CORO6: variants seen among roughly 807,000 people sequenced by gnomAD.
CORO6 encodes the protein coronin-6.
In CORO6, 43 loss-of-function variants were observed where a neutral mutation model predicts 49.0. The ratio of observed to expected loss-of-function variants is 0.88; its 90% CI spans 0.69 to 1.13. The LOEUF (loss-of-function observed/expected upper bound fraction) is 1.13, where lower values mean the gene tolerates loss of function less well. Ranked by LOEUF, CORO6 falls within the 50% of genes most tolerant of loss-of-function variation. CORO6 has a pLI of 0.00. For missense variants in CORO6, 650 were observed against 647.0 expected (o/e 1.00, Z -0.05); for synonymous variants, 233 against 256.5 (o/e 0.91, Z 0.88).
At chr17:29,619,588 C>A in intron 3 of CORO6, 63 bp downstream of exon 3, 7 of 1,548,946 alleles carry the variant, frequency 4.5e-6, no homozygotes, top group East Asian at 2.3e-5. Flanking sequence ...TTCCCCAGCA[C>A]AGGTGAGGCA....
Position 29,621,316 on chromosome 17 carries a change from C to A in CORO6, c.106G>T (p.Asp36Tyr). The change falls in exon 2 of 11, where the codon GAC (aspartate) becomes TAC (tyrosine). Residue 36 changes from aspartate to tyrosine, a missense_variant. By Grantham distance (160) the Asp-to-Tyr change is radical. Transcript: ENST00000388767. This position sits in a 1 kb window ranked among gnomAD's most constrained non-coding sequence, Gnocchi z 4.2. Reference sequence around the variant, plus strand: ...GGGTTGACGGCACAGAAGGAGCTGTCCCATGTGACCTTGGACACACGGATG... The same window carrying A: ...GGGTTGACGGCACAGAAGGAGCTGTACCATGTGACCTTGGACACACGGATG... ...EDIRVSKVTW[D>Y]SSFCAVNPKF... 6.2e-7 allele frequency: 1 copy of A among 1,614,178 alleles called. No homozygotes were observed. Among genetic ancestry groups the A allele is most frequent in the Non-Finnish European group, 8.5e-7 (1 of 1,180,028 alleles).
chr17:29,617,079 A>ACCC, intron 6 of CORO6, 37 bp from the exon 7 acceptor site: 1 of 1,599,256 alleles, frequency 6.3e-7, no homozygotes, highest in African/African-American at 1.3e-5. Flanking sequence ...GCCCTGCCCC[A>ACCC]CCCTCCCGTG....
rs2034930531 is a variant in CORO6 at position 29,616,520 on chromosome 17, G to C, written c.1004+182C>G. Among the ~76,000 whole-genome samples the C allele has an allele frequency of 6.6e-6, 1 of 152,194 alleles. No homozygotes were observed. Among genetic ancestry groups the C allele is most frequent in the South Asian group, 2.1e-4 (1 of 4,832 alleles). The stretch of plus-strand genomic sequence containing the variant: ...GTGTTCACCATCATCTTATAGATGA[G>C]GAAACTGAAGTTGAGAATGTAAGGC... On this transcript the variant is annotated intron_variant, in intron 8 of 10. Coordinates refer to ENST00000388767, the MANE Select transcript of CORO6 (RefSeq NM_032854.4). The surrounding 1 kb of genome is among the most constrained non-coding windows in gnomAD (Gnocchi z 5.6).
In CORO6 at chr17:29,617,637, C is replaced by G; in HGVS notation, c.634-18G>C. 2 of 1,572,730 alleles carry G rather than the reference C, an allele frequency of 1.3e-6. No homozygotes were observed. The highest frequency in any genetic ancestry group is 8.6e-7 in the Non-Finnish European group (1 of 1,161,366). ...AACCTCTCCTGGGGGGAGGGGGAGA[C>G]AGGGAGGGACATCACCCAGCTGCCT... is the stretch of plus-strand genomic sequence containing the variant. On this transcript the variant is annotated intron_variant, in intron 5 of 10. Transcript: ENST00000388767.
Position 29,615,405 on chromosome 17 carries a change from T to C in CORO6, c.*327A>G. On this transcript the variant is annotated 3_prime_UTR_variant, in exon 11 of 11. Coordinates refer to ENST00000388767, the MANE Select transcript of CORO6 (RefSeq NM_032854.4). ...ATAACCCCAAGCATCACGCTAATAC[T>C]AAGCACTTTCCCTGCCCTGGGCGGA... The C allele has an allele frequency of 3.3e-6, 1 of 303,196 alleles. No individual in the cohort carries two copies. Among genetic ancestry groups the C allele is most frequent in the Non-Finnish European group, 6.1e-6 (1 of 163,140 alleles). The allele number at this position is 303,196 out of a possible 1,614,324, so 18.8% of individuals were successfully genotyped here.
chr17:29,622,726 T>A lies in CORO6; in HGVS notation c.-102A>T. 6.1e-6 allele frequency: 8 copies of A among 1,307,958 alleles called. No homozygotes were observed. The highest frequency in any genetic ancestry group is 7.0e-6 in the Non-Finnish European group (7 of 994,278). The allele number at this position is 1,307,958 out of a possible 1,614,324, so 81.0% of individuals were successfully genotyped here. On this transcript the variant is annotated 5_prime_UTR_variant, in exon 1 of 11. Coordinates refer to ENST00000388767, the MANE Select transcript of CORO6 (RefSeq NM_032854.4). ...GGCTGCGGGGCGCTCACGCTGCGAA[T>A]CCTCTGCGGAAGGGGCCCGAGTGCG...
In CORO6 at chr17:29,616,007, G is replaced by A. The variant is rs1166440140; in HGVS notation, c.1231C>T (p.Leu411=). Residue 411 remains leucine (L), a synonymous_variant, in exon 10 of 11, where the codon CTG becomes TTG. Coordinates refer to ENST00000388767, the MANE Select transcript of CORO6 (RefSeq NM_032854.4). The surrounding 1 kb of genome is among the most constrained non-coding windows in gnomAD (Gnocchi z 5.6). The stretch of plus-strand genomic sequence containing the variant: ...GGGCCGGAGGGCGGGCGCACGTCCA[G>A]GATGTTGCGCTTCGTGACCCGGAGC... The part of the protein sequence containing the change: ...RELRVTKRNI[L]DVRPPSGPRR... The A allele has an allele frequency of 6.9e-6, 11 of 1,600,674 alleles. No individual in the cohort carries two copies. Among genetic ancestry groups the A allele is most frequent in the South Asian group, 2.2e-5 (2 of 89,934 alleles).
Position 29,616,859 on chromosome 17 carries a change from G to T in CORO6, c.859-12C>A. 2 of 1,612,828 alleles carry T rather than the reference G, an allele frequency of 1.2e-6. No individual in the cohort carries two copies. The highest frequency in any genetic ancestry group is 1.7e-6 in the Non-Finnish European group (2 of 1,179,296). On this transcript the variant is annotated splice_polypyrimidine_tract_variant and intron_variant, in intron 7 of 10. Coordinates refer to ENST00000388767, the MANE Select transcript of CORO6 (RefSeq NM_032854.4). This position sits in a 1 kb window ranked among gnomAD's most constrained non-coding sequence, Gnocchi z 5.6. ...ATGCTGCTGTCGCCCTGCAAAATCAGTCGGTTCAGGGGCGCGCCCGGACAA... is the reference window on the plus strand; with the variant it reads ...ATGCTGCTGTCGCCCTGCAAAATCATTCGGTTCAGGGGCGCGCCCGGACAA...
At position 29,615,579 on chromosome 17, in the gene CORO6, A is replaced by G; in HGVS notation, c.*153T>C. ...GCGACGTGGGTCTCCCCTAAGCTCC[A>G]AGAGTTCTGGTCTCCCGCGAGGGGC... On this transcript the variant is annotated 3_prime_UTR_variant, in exon 11 of 11. Transcript: ENST00000388767. The G allele has an allele frequency of 2.4e-6, 2 of 823,116 alleles. No homozygotes were observed. The highest frequency in any genetic ancestry group is 1.8e-6 in the Non-Finnish European group (1 of 553,486). The allele number at this position is 823,116 out of a possible 1,614,324, so 51.0% of individuals were successfully genotyped here. A position where few individuals can be genotyped will look rare whatever the true frequency, so the allele number is the denominator to read the frequency against.
chr17:29,615,925 T>C lies in CORO6; in HGVS notation c.1293+20A>G, dbSNP rs758180579. ...GGGGGAGATGTAGATTGGGCCAGAGTGCAGCAGGGCCGATCTTACCGACAA... is the reference window on the plus strand; with the variant it reads ...GGGGGAGATGTAGATTGGGCCAGAGCGCAGCAGGGCCGATCTTACCGACAA... On this transcript the variant is annotated intron_variant, in intron 10 of 10. Transcript: ENST00000388767. 6.3e-7 allele frequency: 1 copy of C among 1,578,152 alleles called. No individual in the cohort carries two copies. Among genetic ancestry groups the C allele is most frequent in the Non-Finnish European group, 8.6e-7 (1 of 1,161,894 alleles).
Position 29,621,411 on chromosome 17 carries a change from C to T in CORO6, c.11G>A (p.Arg4His), listed in dbSNP as rs371388900. ...GCGGAACTTGCTTTGCCGAACCACA[C>T]GTCTGCTCATAGCTGCAGGCAGAGA... Reference protein sequence around the residue: MSRRVVRQSKFRHV... With the variant: MSRHVVRQSKFRHV... The change falls in exon 2 of 11, where the codon CGT (arginine) becomes CAT (histidine). Residue 4 changes from arginine (R) to histidine (H), a missense_variant. By Grantham distance (29) the Arg-to-His change is conservative (BLOSUM62 0). Transcript: ENST00000388767. The surrounding 1 kb of genome is among the most constrained non-coding windows in gnomAD (Gnocchi z 4.2). The T allele has an allele frequency of 4.3e-5, 69 of 1,610,190 alleles. No homozygotes were observed. Among genetic ancestry groups the T allele is most frequent in the African/African-American group, 3.7e-4 (28 of 74,874 alleles).
chr17:29,616,023 G>T lies in CORO6; in HGVS notation c.1215C>A (p.Val405=). 2 of 1,607,470 alleles carry T rather than the reference G, an allele frequency of 1.2e-6. No homozygotes were observed. Among genetic ancestry groups the T allele is most frequent in the Non-Finnish European group, 1.7e-6 (2 of 1,177,122 alleles). The change falls in exon 10 of 11, where the codon GTC becomes GTA. Residue 405 remains valine (V), a synonymous_variant. Transcript: ENST00000388767. The surrounding 1 kb of genome is among the most constrained non-coding windows in gnomAD (Gnocchi z 5.6). ...YVPPKHRELR[V]TKRNILDVRP... ...GCACGTCCAGGATGTTGCGCTTCGT[G>T]ACCCGGAGCTCGCGGTGCTTGGGGG...
chr17:29,619,158 C>T lies in CORO6; in HGVS notation c.353G>A (p.Arg118His), dbSNP rs751573890. 1.2e-5 allele frequency: 20 copies of T among 1,613,438 alleles called. No homozygotes were observed. The highest frequency in any genetic ancestry group is 9.9e-5 in the South Asian group (9 of 91,070). ...VWQIPDYTPM[R>H]NITEPIITLE... ...TGTGATGATAGGTTCCGTAATGTTG[C>T]GCATGGGGGTATAGTCTGGAATCTG... The change falls in exon 4 of 11, where the codon CGC (arginine) becomes CAC (histidine). Residue 118 changes from arginine to histidine, a missense_variant. Physicochemically the swap from Arg to His is conservative, Grantham distance 29. Transcript: ENST00000388767.
rs1382186882 is a variant in CORO6 at position 29,615,825 on chromosome 17, C to G, written c.1326G>C (p.Glu442Asp). The G allele has an allele frequency of 3.2e-6, 5 of 1,584,470 alleles. No homozygotes were observed. The East Asian group carries it at 1.2e-4, about 36-fold the overall frequency. Reference protein sequence around the residue: ...QQHTLETLLEEIKALRERVQA... With the variant: ...QQHTLETLLEDIKALRERVQA... Reference sequence around the variant, plus strand: ...GCACCCGCTCGCGGAGGGCCTTGATCTCTTCCAGCAGCGTCTCCAGGGTGT... The same window carrying G: ...GCACCCGCTCGCGGAGGGCCTTGATGTCTTCCAGCAGCGTCTCCAGGGTGT... The change falls in exon 11 of 11, where the codon GAG (glutamate) becomes GAC (aspartate). Residue 442 changes from glutamate (E) to aspartate (D), a missense_variant. By Grantham distance (45) the Glu-to-Asp change is conservative. Transcript: ENST00000388767.
Position 29,616,893 on chromosome 17 carries a change from A to AC in CORO6, c.858+44dup, listed in dbSNP as rs1421990469. The AC allele has an allele frequency of 5.0e-6, 8 of 1,613,278 alleles. No homozygotes were observed. The highest frequency in any genetic ancestry group is 6.8e-6 in the Non-Finnish European group (8 of 1,179,888). On this transcript the variant is annotated intron_variant, in intron 7 of 10. Transcript: ENST00000388767. This position sits in a 1 kb window ranked among gnomAD's most constrained non-coding sequence, Gnocchi z 5.6. The stretch of plus-strand genomic sequence containing the variant: ...GGGGCGCGCCCGGACAAGGCCCTCC[A>AC]CATCTCCATCCAGTGCCCTGTTCTC...
Position 29,616,245 on chromosome 17 carries a change from G to A in CORO6, c.1062+34C>T. On this transcript the variant is annotated intron_variant, in intron 9 of 10. Coordinates refer to ENST00000388767, the MANE Select transcript of CORO6 (RefSeq NM_032854.4). This position sits in a 1 kb window ranked among gnomAD's most constrained non-coding sequence, Gnocchi z 5.6. ...GGCTTGCTCCGCTCCCTTCCGCCTC[G>A]TAGCCCTGCCCAACCCTTCTCCCGG... 6.2e-7 allele frequency: 1 copy of A among 1,610,930 alleles called. No individual in the cohort carries two copies. Among genetic ancestry groups the A allele is most frequent in the Non-Finnish European group, 8.5e-7 (1 of 1,178,500 alleles).
At chr17:29,618,218 T>A in intron 5 of CORO6, 2 of 1,321,448 alleles carry the variant, frequency 1.5e-6, no homozygotes, top group Non-Finnish European at 9.6e-7. Flanking sequence ...CCCCGACCGC[T>A]CTCGGCGCGC....
At chr17:29,622,602 G>A (rs1040761804) in intron 1 of CORO6, 86 bp downstream of exon 1, 1 of 762,956 alleles carries the variant, frequency 1.3e-6, no homozygotes, top group Non-Finnish European at 1.7e-6. Flanking sequence ...TGGCGGCGCG[G>A]GGGGAGGAGG....
chr17:29,618,139 C>T (rs917849988), intron 5 of CORO6: 2 of 1,401,052 alleles, frequency 1.4e-6, no homozygotes, highest in Non-Finnish European at 1.8e-6. Flanking sequence ...CCGCAGCGGG[C>T]GGGCGCCCTC....
Sources: allele counts gnomAD v4.1 joint callset (sites outside exome capture counted in the v4.1 genomes callset), GRCh38; gene constraint gnomAD v4.1.1; non-coding constraint Gnocchi (gnomAD v3.1); transcripts MANE v1.5; gene names NCBI Gene and HGNC (gene_info 2026-07-23, HGNC 2026-07-21).